GLIS3: variants seen among roughly 807,000 people sequenced by gnomAD.
The protein encoded by GLIS3 is GLIS family zinc finger 3.
A neutral mutation model predicts 78.6 loss-of-function variants in GLIS3; 53 were observed. The observed-to-expected ratio is 0.67, with a 90% CI of 0.54 to 0.85. GLIS3 has a LOEUF of 0.85. Among genes scored for constraint, GLIS3 ranks in the 40% least tolerant of loss-of-function variants. The pLI, the probability that GLIS3 is intolerant of heterozygous loss-of-function variation, is 0.00. For synonymous variants in GLIS3, 684 were observed against 509.9 expected, an observed-to-expected ratio of 1.34 and a Z score of -4.60; for missense variants, 1,703 against 1,231.1, an observed-to-expected ratio of 1.38 and a Z score of -5.74.
At chr9:4,332,667 T>G (rs4305953) in intron 2 of GLIS3, among the ~76,000 whole-genome samples, 27,594 of 152,170 alleles carry the variant, frequency 0.18, 3,067 homozygotes, top group Admixed American at 0.33. Flanking sequence ...ACCTCTGGAC[T>G]ATTAGATGAC....
Position 4,201,930 on chromosome 9 carries a change from G to GAAC in GLIS3, c.389-75990_389-75989insGTT, listed in dbSNP as rs569046233. On this transcript the variant is annotated intron_variant, in intron 2 of 10. Coordinates refer to ENST00000381971, the MANE Select transcript of GLIS3 (RefSeq NM_001042413.2). ...GCAGGAAGTTCACCTGAAGTCAGGC[G>GAAC]TTCGAGACCAGCCTGGCCAGTGTAT... Among the ~76,000 whole-genome samples the GAAC allele has an allele frequency of 1.4e-3, 207 of 152,234 alleles. 2 individuals are homozygous for GAAC. Among genetic ancestry groups the GAAC allele is most frequent in the African/African-American group, 4.5e-3 (185 of 41,544 alleles).
At chr9:4,219,242 C>T (rs1330819542) in intron 2 of GLIS3, among the ~76,000 whole-genome samples, 2 of 152,192 alleles carry the variant, frequency 1.3e-5, no homozygotes, top group African/African-American at 4.8e-5. Context: ...GAGACCTGAC[C>T]AACATCAAGT....
the GLIS3 span, among the ~76,000 whole-genome samples, chr9:4,439,834 A>G: frequency 6.6e-6 from 1 of 152,042 alleles, no homozygotes; most frequent in Non-Finnish European, 1.5e-5. Flanking sequence ...ACACCCTACC[A>G]CACCAGGCTA....
intron 2 of GLIS3, among the ~76,000 whole-genome samples, chr9:4,220,431 T>A (rs1467002204): frequency 6.6e-6 from 1 of 152,216 alleles, no homozygotes; most frequent in Non-Finnish European, 1.5e-5. Flanking sequence ...TGGCACACAG[T>A]ATCTTAGCCA....
At chr9:4,350,750 T>C (rs967987626), upstream of GLIS3, among the ~76,000 whole-genome samples, 3 of 151,554 alleles carry the variant, frequency 2.0e-5, no homozygotes, top group African/African-American at 7.3e-5. Flanking sequence ...TGCCTCTATG[T>C]CTCTTCTACC....
rs781479104 is a variant in GLIS3, at chr9:3,921,946, A to ACACACACACACT, written c.1983+10413_1983+10414insAGTGTGTGTGTG. On this transcript the variant is annotated intron_variant, in intron 6 of 10. Coordinates refer to ENST00000381971, the MANE Select transcript of GLIS3 (RefSeq NM_001042413.2). ...TGTACACACACACACACACACACAC[A>ACACACACACACT]CTCACACTTCACATTGGTAAAGTGT... Among the ~76,000 whole-genome samples the ACACACACACACT allele has an allele frequency of 9.9e-5, 15 of 151,352 alleles. 1 individual carries two copies. Among genetic ancestry groups the ACACACACACACT allele is most frequent in the Non-Finnish European group, 1.3e-4 (9 of 67,778 alleles).
At chr9:4,455,832 G>C in the GLIS3 span, among the ~76,000 whole-genome samples, 1 of 152,126 alleles carries the variant, frequency 6.6e-6, no homozygotes, top group Non-Finnish European at 1.5e-5. Flanking sequence ...TTATGTTTAG[G>C]CCGGGTGTGG....
chr9:4,046,073 T>C (rs1588529438), intron 4 of GLIS3, among the ~76,000 whole-genome samples: 1 of 152,216 alleles, frequency 6.6e-6, no homozygotes, highest in Non-Finnish European at 1.5e-5. Context: ...AGCTCATTTT[T>C]CCCTTCATTT....
At chr9:3,828,805 G>C in intron 10 of GLIS3, among the ~76,000 whole-genome samples, 1 of 152,148 alleles carries the variant, frequency 6.6e-6, no homozygotes, top group East Asian at 1.9e-4. Flanking sequence ...GGCATGTGGG[G>C]TCAAGGGTGC....
chr9:4,010,843 A>C lies in GLIS3; in HGVS notation c.1711-73654T>G, dbSNP rs536494059. On this transcript the variant is annotated intron_variant, in intron 4 of 10. Transcript: ENST00000381971. ...TTCTACACCAAACTCTGACGTATGA[A>C]CCCATGAACCTGATGGAGGTTCCAA... Among the ~76,000 whole-genome samples the C allele has an allele frequency of 1.8e-3, 280 of 152,270 alleles. 1 individual carries two copies. The highest frequency in any genetic ancestry group is 6.4e-3 in the African/African-American group (266 of 41,554).
chr9:4,347,671 G>A (rs927009779), intron 1 of GLIS3, among the ~76,000 whole-genome samples: 1 of 152,096 alleles, frequency 6.6e-6, no homozygotes, highest in African/African-American at 2.4e-5. Context: ...ACTAAAATCA[G>A]GGAAAGTAAT....
At chr9:4,410,827 A>T in the GLIS3 span, among the ~76,000 whole-genome samples, 1 of 152,182 alleles carries the variant, frequency 6.6e-6, no homozygotes, top group Non-Finnish European at 1.5e-5. Flanking sequence ...AATCTTACTG[A>T]TAAGATTAAT....
At chr9:3,951,060 C>T (rs1816648697) in intron 4 of GLIS3, among the ~76,000 whole-genome samples, 1 of 152,200 alleles carries the variant, frequency 6.6e-6, no homozygotes, top group South Asian at 2.1e-4. Context: ...TTTCTAAGTT[C>T]TACATGAAAT....
intron 1 of GLIS3, among the ~76,000 whole-genome samples, chr9:4,294,388 A>T (rs1282677205): frequency 1.3e-5 from 2 of 152,190 alleles, no homozygotes; most frequent in East Asian, 3.9e-4. Context: ...ACATGCCTGT[A>T]ATCCCAACTA....
chr9:3,834,788 C>T (rs1216397720), intron 9 of GLIS3, among the ~76,000 whole-genome samples: 1 of 152,156 alleles, frequency 6.6e-6, no homozygotes, highest in Non-Finnish European at 1.5e-5. Context: ...AAAGAATGGT[C>T]CCTCAACTCC....
Position 4,122,044 on chromosome 9 carries a change from A to G in GLIS3, c.597-3163T>C, listed in dbSNP as rs573966760. On this transcript the variant is annotated intron_variant, in intron 3 of 10. Transcript: ENST00000381971. ...TCTGGTGATTGGTTAATTTGGAACT[A>G]TATGTAAAAGGAAAGGAGATATATC... Among the ~76,000 whole-genome samples the G allele has an allele frequency of 4.6e-5, 7 of 152,342 alleles. No homozygotes were observed. The South Asian group carries it at 1.5e-3, about 32-fold the overall frequency.
chr9:4,071,447 T>C (rs1827603139), intron 4 of GLIS3: 1 of 152,174 alleles, frequency 6.6e-6, no homozygotes, highest in Admixed American at 6.5e-5. Context: ...ACTTTGCCAA[T>C]GAGATATGAT....
intron 2 of GLIS3, among the ~76,000 whole-genome samples, chr9:4,138,225 AATGAATG>A (rs939427994): frequency 6.6e-6 from 1 of 152,212 alleles, no homozygotes; most frequent in Non-Finnish European, 1.5e-5. Flanking sequence ...TATAAGAAAG[AATGAATG>A]GAAGGGAGGG....
chr9:4,373,917 C>G, the GLIS3 span, among the ~76,000 whole-genome samples: 1 of 152,098 alleles, frequency 6.6e-6, no homozygotes, highest in African/African-American at 2.4e-5. Flanking sequence ...CTGCCTGCCT[C>G]GGCCTCCCAC....
Sources: gnomAD v4.1 joint callset for allele counts (sites outside exome capture counted in the v4.1 genomes callset) on GRCh38, gnomAD v4.1.1 for gene constraint, MANE v1.5 for transcripts, NCBI Gene and HGNC (gene_info 2026-07-23, HGNC 2026-07-21) for gene names.